The following USP12 variants were observed in gnomAD, a reference collection of about 807,000 sequenced individuals.
USP12 encodes the protein ubiquitin carboxyl-terminal hydrolase 12.
A neutral mutation model predicts 45.5 loss-of-function variants in USP12; 19 were observed. That is an observed-to-expected ratio of 0.42 (90% confidence interval 0.29 to 0.61). The LOEUF (loss-of-function observed/expected upper bound fraction) is 0.61. USP12 is among the 20% of genes least tolerant of loss of function. The pLI, the probability that USP12 is intolerant of heterozygous loss-of-function variation, is 0.22. For synonymous variants in USP12, 149 were observed against 148.8 expected, an observed-to-expected ratio of 1.00 and a Z score of -0.01; for missense variants, 242 against 447.7, an observed-to-expected ratio of 0.54 and a Z score of 4.15.
chr13:27,130,410 G>A (rs1363809134), intron 1 of USP12, among the ~76,000 whole-genome samples: 1 of 152,006 alleles, frequency 6.6e-6, no homozygotes. Flanking sequence ...TTGCAAAACT[G>A]GTTTAGAAAA....
At chr13:27,069,421 G>T in intron 8 of USP12, 37 bp from the exon 9 acceptor site, 2 of 1,431,016 alleles carry the variant, frequency 1.4e-6, no homozygotes, top group Non-Finnish European at 9.9e-7. Context: ...ACATAAATGA[G>T]CTCTGTACAG....
chr13:27,084,290 A>C (rs1454630013), intron 6 of USP12, among the ~76,000 whole-genome samples: 1 of 151,594 alleles, frequency 6.6e-6, no homozygotes, highest in Non-Finnish European at 1.5e-5. Flanking sequence ...GGCAGATCAC[A>C]AGGTCAAAAG....
chr13:27,108,530 T>TC (rs1875265012), intron 2 of USP12, among the ~76,000 whole-genome samples: 1 of 145,500 alleles, frequency 6.9e-6, no homozygotes, highest in Non-Finnish European at 1.5e-5. Flanking sequence ...ACTTAAAGCA[T>TC]AAAAAAAAAA....
Position 27,066,870 on chromosome 13 carries a change from A to AC in USP12, c.*2412dup, listed in dbSNP as rs1873020011. 1.3e-5 allele frequency: 2 copies of AC among 152,214 alleles called. No homozygotes were observed. Among genetic ancestry groups the AC allele is most frequent in the South Asian group, 2.1e-4 (1 of 4,822 alleles). 9.4% of individuals were successfully genotyped at this position (152,214 alleles called of 1,614,324 possible). A position where few individuals can be genotyped will look rare whatever the true frequency, so the allele number is the denominator to read the frequency against. On this transcript the variant is annotated 3_prime_UTR_variant, in exon 9 of 9. Transcript: ENST00000282344. ...ATGGGTCACTTTTCTTACTTACTATACCTGTATTTTTCCCCCAACCCTGAC... is the reference window on the plus strand; with the variant it reads ...ATGGGTCACTTTTCTTACTTACTATACCCTGTATTTTTCCCCCAACCCTGAC...
intron 1 of USP12, among the ~76,000 whole-genome samples, chr13:27,148,795 T>TACACACACACACACACACAC (rs58820564): frequency 0.012 from 1,758 of 141,762 alleles, 21 homozygotes; most frequent in African/African-American, 0.026. Flanking sequence ...ATCATCTTAA[T>TACACACACACACACACACAC]ACACACACAC....
At chr13:27,080,524 C>T (rs1272943568) in intron 6 of USP12, among the ~76,000 whole-genome samples, 1 of 152,114 alleles carries the variant, frequency 6.6e-6, no homozygotes, top group Non-Finnish European at 1.5e-5. Context: ...CTGGTAAGAA[C>T]AGGACTGGTC....
chr13:27,086,751 GT>G (rs1332765832), intron 6 of USP12, among the ~76,000 whole-genome samples: 1 of 152,090 alleles, frequency 6.6e-6, no homozygotes, highest in Non-Finnish European at 1.5e-5. Context: ...GCTACATTTA[GT>G]CCCTGACTCT....
intron 1 of USP12, among the ~76,000 whole-genome samples, chr13:27,137,127 T>G (rs1876841346): frequency 6.6e-6 from 1 of 152,176 alleles, no homozygotes; most frequent in African/African-American, 2.4e-5. Flanking sequence ...TCACATTAGG[T>G]GATGTGTGCC....
chr13:27,103,054 G>C (rs1326219398), intron 3 of USP12, among the ~76,000 whole-genome samples: 1 of 152,180 alleles, frequency 6.6e-6, no homozygotes, highest in Non-Finnish European at 1.5e-5. Flanking sequence ...ATTAAAATCA[G>C]TTCTTTCCAG....
intron 1 of USP12, among the ~76,000 whole-genome samples, chr13:27,163,786 GA>G (rs879415456): frequency 0.061 from 5,893 of 96,436 alleles, 162 homozygotes; most frequent in Admixed American, 0.1. Context: ...AAAAAAAAAA[GA>G]AAAAAAAAAA....
intron 1 of USP12, among the ~76,000 whole-genome samples, chr13:27,163,768 T>TAAAAAAAAAAA (rs34384911): frequency 1.2e-5 from 1 of 83,288 alleles, no homozygotes; most frequent in Non-Finnish European, 2.3e-5. Flanking sequence ...AGACCTGTCT[T>TAAAAAAAAAAA]AAAAAAAAAA....
At chr13:27,105,969 G>A in intron 2 of USP12, 25 bp from the exon 3 acceptor site, 4 of 1,576,038 alleles carry the variant, frequency 2.5e-6, no homozygotes, top group Non-Finnish European at 3.4e-6. Flanking sequence ...AAAAAGTTTT[G>A]TTAAATTTAG....
intron 1 of USP12, among the ~76,000 whole-genome samples, chr13:27,155,310 T>C (rs1465540681): frequency 1.3e-5 from 2 of 151,956 alleles, no homozygotes; most frequent in African/African-American, 4.8e-5. Context: ...CTTGATCTCC[T>C]GACCTCGTGA....
intron 3 of USP12, among the ~76,000 whole-genome samples, chr13:27,104,618 T>C: frequency 6.6e-6 from 1 of 152,200 alleles, no homozygotes; most frequent in Non-Finnish European, 1.5e-5. Context: ...TTATTCTACA[T>C]GTGTATGTGG....
intron 8 of USP12, among the ~76,000 whole-genome samples, chr13:27,070,453 T>C (rs1873195691): frequency 6.6e-6 from 1 of 151,842 alleles, no homozygotes; most frequent in Non-Finnish European, 1.5e-5. Context: ...TGTATAAAAA[T>C]TCATCAAATT....
chr13:27,113,840 G>A (rs1875583986), intron 2 of USP12, among the ~76,000 whole-genome samples: 1 of 152,122 alleles, frequency 6.6e-6, no homozygotes, highest in Non-Finnish European at 1.5e-5. Context: ...AACTGAATGA[G>A]AATGAAATCA....
At chr13:27,085,322 A>C (rs1873962038) in intron 6 of USP12, among the ~76,000 whole-genome samples, 1 of 152,030 alleles carries the variant, frequency 6.6e-6, no homozygotes, top group Non-Finnish European at 1.5e-5. Context: ...CTGGGATTAC[A>C]GATGTGTGCC....
intron 1 of USP12, among the ~76,000 whole-genome samples, chr13:27,155,840 T>G (rs1369032968): frequency 1.3e-5 from 2 of 152,218 alleles, no homozygotes; most frequent in Non-Finnish European, 2.9e-5. Flanking sequence ...TTTGTAAACT[T>G]TAGCCTGCCT....
intron 1 of USP12, chr13:27,170,131 G>A (rs564156248): frequency 2.3e-4 from 89 of 393,914 alleles, no homozygotes; most frequent in Middle Eastern, 1.3e-3. Context: ...TAATACAAAT[G>A]CTTTCCTAAA....
Sources: gnomAD v4.1 joint callset for allele counts (sites outside exome capture counted in the v4.1 genomes callset) on GRCh38, gnomAD v4.1.1 for gene constraint, MANE v1.5 for transcripts, NCBI Gene and HGNC (gene_info 2026-07-23, HGNC 2026-07-21) for gene names.